KREMEN1: variants seen among roughly 807,000 people sequenced by gnomAD.
The protein encoded by KREMEN1 is kremen protein 1.
KREMEN1 carries 30 observed loss-of-function variants against 46.5 expected under a neutral mutation model. That is an observed-to-expected ratio of 0.65 (90% CI 0.48 to 0.88). The LOEUF is 0.88. Among genes scored for constraint, KREMEN1 ranks in the 40% least tolerant of loss-of-function variants. The pLI is 0.00. For missense variants in KREMEN1, 533 were observed against 596.9 expected (o/e 0.89, Z 1.11); for synonymous variants, 214 against 230.6 (o/e 0.93, Z 0.65).
intron 2 of KREMEN1, among the ~76,000 whole-genome samples, chr22:29,096,159 C>T (rs767595763): frequency 1.3e-5 from 2 of 151,918 alleles, no homozygotes; most frequent in Non-Finnish European, 2.9e-5. Flanking sequence ...ATTACCTTCC[C>T]CTAGGTTTTC....
At position 29,145,654 on chromosome 22, in the gene KREMEN1, G is replaced by A. The variant is rs965850664; in HGVS notation, c.*3542G>A. 2 of 985,526 alleles carry A rather than the reference G, an allele frequency of 2.0e-6. No individual in the cohort carries two copies. The highest frequency in any genetic ancestry group is 2.4e-6 in the Non-Finnish European group (2 of 829,998). The allele number at this position is 985,526 out of a possible 1,614,324, so 61.0% of individuals were successfully genotyped here. A position where few individuals can be genotyped will look rare whatever the true frequency, so the allele number is the denominator to read the frequency against. On this transcript the variant is annotated 3_prime_UTR_variant, in exon 9 of 9. Transcript: ENST00000400335. ...TGCCCTGTTCTTCCCCGTTTGTCCA[G>A]TTGCTTGCAAAGCAGAGAATGAGTA...
intron 4 of KREMEN1, among the ~76,000 whole-genome samples, chr22:29,122,863 A>C (rs1166676168): frequency 2.0e-5 from 3 of 147,498 alleles, no homozygotes; most frequent in African/African-American, 7.5e-5. Flanking sequence ...GCTTGAACAC[A>C]GGAGGCGGAG....
intron 3 of KREMEN1, 55 bp downstream of exon 3, chr22:29,099,008 C>A: frequency 7.5e-7 from 1 of 1,341,694 alleles, no homozygotes; most frequent in Non-Finnish European, 1.1e-6. Context: ...ACTAAGAGTG[C>A]GTAGAGGGAG....
chr22:29,131,550 A>ATG (rs1569331084), intron 5 of KREMEN1, among the ~76,000 whole-genome samples: 25 of 62,666 alleles, frequency 4.0e-4, no homozygotes, highest in African/African-American at 1.7e-3. Flanking sequence ...ATATATATAT[A>ATG]TATATATATA....
chr22:29,091,978 C>T (rs1325141732), intron 1 of KREMEN1, among the ~76,000 whole-genome samples: 1 of 152,106 alleles, frequency 6.6e-6, no homozygotes, highest in Admixed American at 6.6e-5. Context: ...GGGAAGAGCT[C>T]TGCTTCATGG....
Position 29,138,676 on chromosome 22 carries a change from C to T in KREMEN1, c.1017C>T (p.Ala339=), listed in dbSNP as rs16987139. ...QERPAVNQTV[A]EVITEQANLS... ...GGCCCGCTGTCAACCAGACGGTGGC[C>T]GAGGTGATCACGGAGCAGGCCAACC... is the stretch of plus-strand genomic sequence containing the variant. The change falls in exon 7 of 9, where the codon GCC becomes GCT. Residue 339 remains alanine (A), a synonymous_variant. Coordinates refer to ENST00000400335, the MANE Select transcript of KREMEN1 (RefSeq NM_001039570.3). 2.3e-3 allele frequency: 3,701 copies of T among 1,614,174 alleles called. 70 individuals carry two copies. The East Asian group carries it at 0.032, about 14-fold the overall frequency.
chr22:29,083,606 C>T (rs1365254531), intron 1 of KREMEN1, among the ~76,000 whole-genome samples: 1 of 152,074 alleles, frequency 6.6e-6, no homozygotes, highest in African/African-American at 2.4e-5. Context: ...CTGAGGCCGG[C>T]GGATCACTTG....
intron 9 of KREMEN1, among the ~76,000 whole-genome samples, chr22:29,153,531 T>A (rs1254197611): frequency 2.0e-5 from 3 of 152,246 alleles, no homozygotes; most frequent in East Asian, 1.9e-4. Flanking sequence ...TCTTTTTTTT[T>A]TAATTATTGT....
chr22:29,121,098 G>T (rs984891728), intron 3 of KREMEN1, among the ~76,000 whole-genome samples: 2 of 146,538 alleles, frequency 1.4e-5, no homozygotes, highest in African/African-American at 2.5e-5. Context: ...ATATTAAACA[G>T]TTTTTTTTTT....
intron 1 of KREMEN1, among the ~76,000 whole-genome samples, chr22:29,089,060 C>T (rs2037770873): frequency 1.3e-5 from 2 of 152,224 alleles, no homozygotes; most frequent in African/African-American, 4.8e-5. Flanking sequence ...GGCCCCAGGG[C>T]TCAGCCCCAG....
chr22:29,085,254 G>A (rs2037711221), intron 1 of KREMEN1, among the ~76,000 whole-genome samples: 1 of 152,112 alleles, frequency 6.6e-6, no homozygotes, highest in South Asian at 2.1e-4. Context: ...AGAGAAGAGA[G>A]TATAAGGAAG....
chr22:29,154,085 C>T (rs950098534), intron 9 of KREMEN1, among the ~76,000 whole-genome samples: 1 of 152,036 alleles, frequency 6.6e-6, no homozygotes, highest in Non-Finnish European at 1.5e-5. Flanking sequence ...CCTGTGAGTC[C>T]TCAATACATT....
At chr22:29,092,814 A>G (rs1200250396) in intron 1 of KREMEN1, among the ~76,000 whole-genome samples, 4 of 152,088 alleles carry the variant, frequency 2.6e-5, no homozygotes, top group Non-Finnish European at 5.9e-5. Flanking sequence ...TGTATCTACT[A>G]AAAATACAAA....
chr22:29,110,545 G>A (rs945002875), intron 3 of KREMEN1, among the ~76,000 whole-genome samples: 1 of 152,218 alleles, frequency 6.6e-6, no homozygotes, highest in African/African-American at 2.4e-5. Context: ...AACTACTGCT[G>A]TGATAGATCC....
intron 8 of KREMEN1, 149 bp downstream of exon 8, chr22:29,140,515 C>T (rs2038745613): frequency 1.6e-6 from 1 of 629,976 alleles, no homozygotes; most frequent in African/African-American, 1.8e-5. Context: ...GCAGACATTC[C>T]CCCTTCTTTG....
chr22:29,135,768 T>C (rs2038648016), intron 5 of KREMEN1, among the ~76,000 whole-genome samples: 1 of 152,192 alleles, frequency 6.6e-6, no homozygotes, highest in South Asian at 2.1e-4. Flanking sequence ...GGCGGTCACC[T>C]CTTCCTCCTG....
In KREMEN1 at chr22:29,121,395, C is replaced by G. The variant is rs2038354690; in HGVS notation, c.391C>G (p.Pro131Ala). ...NLGCYKDHGNPPPLTGTSKTS... is the reference protein window; with the variant it reads ...NLGCYKDHGNAPPLTGTSKTS... Reference sequence around the variant, plus strand: ...TGGCTGCTACAAGGATCATGGAAACCCACCTCCTCTAACTGGCACCAGTAA... The same window carrying G: ...TGGCTGCTACAAGGATCATGGAAACGCACCTCCTCTAACTGGCACCAGTAA... The change falls in exon 4 of 9, where the codon CCA becomes GCA. Residue 131 changes from proline to alanine, a missense_variant. Coordinates refer to ENST00000400335, the MANE Select transcript of KREMEN1 (RefSeq NM_001039570.3). 1 of 1,613,892 alleles carries G rather than the reference C, an allele frequency of 6.2e-7. No homozygotes were observed. The highest frequency in any genetic ancestry group is 2.2e-5 in the East Asian group (1 of 44,892).
chr22:29,131,523 C>CATATATATATATATATATAT (rs148738725), intron 5 of KREMEN1, among the ~76,000 whole-genome samples: 8 of 93,734 alleles, frequency 8.5e-5, no homozygotes, highest in African/African-American at 5.6e-4. Flanking sequence ...GTATTCTGTT[C>CATATATATATATATATATAT]ATATATATAT....
At chr22:29,153,186 C>T (rs917634564) in intron 9 of KREMEN1, among the ~76,000 whole-genome samples, 2 of 152,164 alleles carry the variant, frequency 1.3e-5, no homozygotes, top group African/African-American at 4.8e-5. Context: ...GACAACCAGC[C>T]ATGTTGGTTT....
Sources: allele counts gnomAD v4.1 joint callset (sites outside exome capture counted in the v4.1 genomes callset), GRCh38; gene constraint gnomAD v4.1.1; transcripts MANE v1.5; gene names NCBI Gene and HGNC (gene_info 2026-07-23, HGNC 2026-07-21).